KCNK17: variants seen among roughly 807,000 people sequenced by gnomAD.
KCNK17 encodes the protein potassium channel subfamily K member 17.
KCNK17 carries 27 observed loss-of-function variants against 24.6 expected under a neutral mutation model. The ratio of observed to expected loss-of-function variants is 1.10; its 90% confidence interval spans 0.81 to 1.51. The LOEUF (loss-of-function observed/expected upper bound fraction) is 1.51, where lower values mean the gene tolerates loss of function less well. Among genes scored for constraint, KCNK17 ranks in the 40% most tolerant of loss-of-function variants. The pLI is 0.00. For missense variants in KCNK17, 450 were observed against 436.6 expected (o/e 1.03, Z -0.27); for synonymous variants, 181 against 189.8 (o/e 0.95, Z 0.38).
chr6:39,311,100 AC>A lies in KCNK17; in HGVS notation c.238-94del, dbSNP rs1248457764. ...CACACACACACACACACACACACAC[AC>A]ACACACACACACACACACAAACAAA... On this transcript the variant is annotated intron_variant, in intron 1 of 4. Coordinates refer to ENST00000373231, the MANE Select transcript of KCNK17 (RefSeq NM_031460.4). 685 of 608,292 alleles carry A rather than the reference AC, an allele frequency of 1.1e-3. 5 individuals carry two copies. The African/African-American group carries it at 0.012, about 11-fold the overall frequency. The allele number at this position is 608,292 out of a possible 1,614,324, so 37.7% of individuals were successfully genotyped here.
intron 2 of KCNK17, among the ~76,000 whole-genome samples, 157 bp downstream of exon 2, chr6:39,310,736 C>G (rs1020703549): frequency 1.3e-5 from 2 of 152,078 alleles, no homozygotes; most frequent in African/African-American, 2.4e-5. Context: ...TAGTGAGGCC[C>G]GAGACTGCTC....
intron 1 of KCNK17, 54 bp downstream of exon 1, chr6:39,314,030 C>A: frequency 7.1e-7 from 1 of 1,398,728 alleles, no homozygotes; most frequent in Non-Finnish European, 9.6e-7. Flanking sequence ...CCGTACACCC[C>A]GCGGCCCGCT....
At chr6:39,308,314 A>G (rs1762070159) in intron 2 of KCNK17, among the ~76,000 whole-genome samples, 1 of 152,350 alleles carries the variant, frequency 6.6e-6, no homozygotes, top group South Asian at 2.1e-4. Context: ...CTTTTGAGGC[A>G]GAGTCTTGCT....
chr6:39,311,158 G>C lies in KCNK17; in HGVS notation c.238-151C>G, dbSNP rs148842526. 4.5e-3 allele frequency: 2,413 copies of C among 541,792 alleles called. 42 individuals are homozygous for C. Among genetic ancestry groups the C allele is most frequent in the East Asian group, 0.029 (902 of 31,280 alleles). 33.6% of individuals were successfully genotyped at this position (541,792 alleles called of 1,614,324 possible). A position where few individuals can be genotyped will look rare whatever the true frequency, so the allele number is the denominator to read the frequency against. ...CACACAGCCCTCACAATTACTCTTC[G>C]ATCCCAGCCCACCAGGGCAAGGAGG... On this transcript the variant is annotated intron_variant, in intron 1 of 4. Transcript: ENST00000373231.
At chr6:39,305,202 T>G (rs184457201) in intron 2 of KCNK17, among the ~76,000 whole-genome samples, 65 of 152,342 alleles carry the variant, frequency 4.3e-4, no homozygotes, top group African/African-American at 1.3e-3. Flanking sequence ...GGCCCAGACT[T>G]TCTGACAGCT....
chr6:39,311,119 C>CACAA (rs1491070442), intron 1 of KCNK17, 112 bp from the exon 2 acceptor site: 1 of 526,354 alleles, frequency 1.9e-6, no homozygotes, highest in Non-Finnish European at 3.3e-6. Context: ...CACACACACA[C>CACAA]AAACAAACCT....
chr6:39,299,426 A>C lies in KCNK17; in HGVS notation c.*1T>G. The C allele has an allele frequency of 6.2e-7, 1 of 1,610,360 alleles. No individual in the cohort carries two copies. The highest frequency in any genetic ancestry group is 8.5e-7 in the Non-Finnish European group (1 of 1,177,090). ...GACGACGACCAAAGAATGGAGTATA[A>C]CTAGCTGTCCTTGCCACAGCCTGCA... On this transcript the variant is annotated 3_prime_UTR_variant, in exon 5 of 5. Coordinates refer to ENST00000373231, the MANE Select transcript of KCNK17 (RefSeq NM_031460.4).
At chr6:39,303,323 G>T (rs528689716) in intron 4 of KCNK17, among the ~76,000 whole-genome samples, 1 of 152,186 alleles carries the variant, frequency 6.6e-6, no homozygotes, top group African/African-American at 2.4e-5. Context: ...GAGCTGGGGC[G>T]CAGCCACTCC....
intron 2 of KCNK17, among the ~76,000 whole-genome samples, chr6:39,308,957 C>T (rs942491979): frequency 3.9e-5 from 6 of 152,230 alleles, no homozygotes; most frequent in Non-Finnish European, 7.3e-5. Flanking sequence ...AATGGCTAGT[C>T]AACTCTGCTT....
intron 2 of KCNK17, among the ~76,000 whole-genome samples, chr6:39,308,189 C>A (rs1762068660): frequency 6.6e-6 from 1 of 152,216 alleles, no homozygotes; most frequent in Non-Finnish European, 1.5e-5. Flanking sequence ...AGGGCTGGGA[C>A]TTGCTAATTT....
At chr6:39,302,305 T>A (rs1329340834) in intron 4 of KCNK17, among the ~76,000 whole-genome samples, 1 of 151,738 alleles carries the variant, frequency 6.6e-6, no homozygotes, top group East Asian at 1.9e-4. Context: ...CTCAGTCAGA[T>A]TGTATTGGTA....
At chr6:39,301,816 C>T (rs1761956290) in intron 4 of KCNK17, among the ~76,000 whole-genome samples, 1 of 152,214 alleles carries the variant, frequency 6.6e-6, no homozygotes, top group Non-Finnish European at 1.5e-5. Flanking sequence ...CCTCTTGTGG[C>T]TGCTGATGCA....
rs1320120634 is a variant in KCNK17 at position 39,314,265 on chromosome 6, A to C, written c.56T>G (p.Val19Gly). ...GAGCAGCAGGAGCACGGTGCTGGGC[A>C]CCGCGCAGCCCCGGACCCTGCCCTC... Reference protein sequence around the residue: ...APEGRVRGCAVPSTVLLLLAY... With the variant: ...APEGRVRGCAGPSTVLLLLAY... Residue 19 changes from valine (V) to glycine (G), a missense_variant, in exon 1 of 5, where the codon GTG (valine) becomes GGG (glycine). Coordinates refer to ENST00000373231, the MANE Select transcript of KCNK17 (RefSeq NM_031460.4). 6.6e-7 allele frequency: 1 copy of C among 1,525,038 alleles called. No individual in the cohort carries two copies. The highest frequency in any genetic ancestry group is 8.8e-7 in the Non-Finnish European group (1 of 1,140,520). 94.5% of individuals were successfully genotyped at this position (1,525,038 alleles called of 1,614,324 possible). A position where few individuals can be genotyped will look rare whatever the true frequency, so the allele number is the denominator to read the frequency against.
rs146747038 is a variant in KCNK17 at position 39,304,623 on chromosome 6, C to A, written c.385G>T (p.Ala129Ser). 31 of 1,613,444 alleles carry A rather than the reference C, an allele frequency of 1.9e-5. No individual in the cohort carries two copies. The highest frequency in any genetic ancestry group is 1.3e-4 in the African/African-American group (10 of 74,898). Reference protein sequence around the residue: ...YGNLSPNTMAARLFCIFFALV... With the variant: ...YGNLSPNTMASRLFCIFFALV... ...GCAAAGAAGATGCAGAAGAGGCGGG[C>A]AGCCATCGTGTTGGGGCTCAGGTTG... is the stretch of plus-strand genomic sequence containing the variant. Residue 129 changes from alanine (A) to serine (S), a missense_variant, in exon 3 of 5, where the codon GCC (alanine) becomes TCC (serine). By Grantham distance (99) the Ala-to-Ser change is moderately conservative. Coordinates refer to ENST00000373231, the MANE Select transcript of KCNK17 (RefSeq NM_031460.4).
chr6:39,301,641 GA>G (rs1414664921), intron 4 of KCNK17, among the ~76,000 whole-genome samples: 1 of 152,244 alleles, frequency 6.6e-6, no homozygotes, highest in African/African-American at 2.4e-5. Context: ...TTTTTAAGCT[GA>G]AATCATAAGT....
chr6:39,306,264 G>C (rs1041749756), intron 2 of KCNK17, among the ~76,000 whole-genome samples: 1 of 152,088 alleles, frequency 6.6e-6, no homozygotes, highest in Admixed American at 6.6e-5. Flanking sequence ...GGCTGGTCTC[G>C]AGCTCCTGAC....
In KCNK17 at chr6:39,314,240, G is replaced by C; in HGVS notation, c.81C>G (p.Leu27=). Residue 27 remains leucine, a synonymous_variant, in exon 1 of 5, where the codon CTC becomes CTG. Transcript: ENST00000373231. The part of the protein sequence containing the change: ...CAVPSTVLLL[L]AYLAYLALGT... ...CCAGCGCCAGGTAAGCCAGGTAGGCGAGCAGCAGGAGCACGGTGCTGGGCA... is the reference window on the plus strand; with the variant it reads ...CCAGCGCCAGGTAAGCCAGGTAGGCCAGCAGCAGGAGCACGGTGCTGGGCA... The C allele has an allele frequency of 6.5e-7, 1 of 1,536,644 alleles. No individual in the cohort carries two copies. Among genetic ancestry groups the C allele is most frequent in the Non-Finnish European group, 8.7e-7 (1 of 1,145,924 alleles).
intron 2 of KCNK17, among the ~76,000 whole-genome samples, chr6:39,306,264 G>A (rs1041749756): frequency 2.0e-5 from 3 of 152,088 alleles, no homozygotes; most frequent in Non-Finnish European, 4.4e-5. Context: ...GGCTGGTCTC[G>A]AGCTCCTGAC....
chr6:39,307,592 G>T (rs994885707), intron 2 of KCNK17, among the ~76,000 whole-genome samples: 14 of 152,188 alleles, frequency 9.2e-5, no homozygotes, highest in African/African-American at 3.4e-4. Context: ...GCCCCATGGA[G>T]GCCTGCAGCG....
Sources: gnomAD v4.1 joint callset for allele counts (sites outside exome capture counted in the v4.1 genomes callset) on GRCh38, gnomAD v4.1.1 for gene constraint, MANE v1.5 for transcripts, NCBI Gene and HGNC (gene_info 2026-07-23, HGNC 2026-07-21) for gene names.